The following NRG1 variants were observed in gnomAD, a reference collection of about 807,000 sequenced individuals.
NRG1 encodes the protein neuregulin 1.
In NRG1, 18 loss-of-function variants were observed where a neutral mutation model predicts 63.8. The observed-to-expected ratio is 0.28, with a 90% CI of 0.19 to 0.42. The LOEUF is 0.42. Ranked by LOEUF, NRG1 falls within the 10% of genes least tolerant of loss-of-function variation. The probability of loss-of-function intolerance (pLI) is 1.00; values close to 1 mark genes in which losing one functional copy is unlikely to be tolerated. For synonymous variants in NRG1, 302 were observed against 301.3 expected, an observed-to-expected ratio of 1.00 and a Z score of -0.02; for missense variants, 762 against 814.7, an observed-to-expected ratio of 0.94 and a Z score of 0.79.
intron 1 of NRG1, among the ~76,000 whole-genome samples, chr8:32,085,195 CT>C (rs2131198951): frequency 6.6e-6 from 1 of 152,318 alleles, no homozygotes; most frequent in South Asian, 2.1e-4. Flanking sequence ...CCATAGGATT[CT>C]TTTAACTCTT....
intron 1 of NRG1, among the ~76,000 whole-genome samples, chr8:32,039,633 A>G (rs1217472489): frequency 6.6e-6 from 1 of 152,194 alleles, no homozygotes; most frequent in East Asian, 1.9e-4. Flanking sequence ...ACAAACTTTT[A>G]AGAAAGTAAT....
intron 1 of NRG1, among the ~76,000 whole-genome samples, chr8:31,998,252 G>C (rs1249634205): frequency 6.6e-6 from 1 of 151,968 alleles, no homozygotes; most frequent in African/African-American, 2.4e-5. Context: ...TATAAGTCTT[G>C]AGACAAACAC....
chr8:32,647,290 T>G, intron 5 of NRG1: 1 of 985,438 alleles, frequency 1.0e-6, no homozygotes, highest in Non-Finnish European at 1.2e-6. Flanking sequence ...CTGCTTTTAC[T>G]TCTCCTGCAT....
In NRG1 at chr8:32,722,137, G is replaced by A. The variant is rs1228948572; in HGVS notation, c.503-5812G>A. 4 of 1,059,246 alleles carry A rather than the reference G, an allele frequency of 3.8e-6. No homozygotes were observed. The African/African-American group carries it at 4.9e-5, about 13-fold the overall frequency. 65.6% of individuals were successfully genotyped at this position (1,059,246 alleles called of 1,614,324 possible). A position where few individuals can be genotyped will look rare whatever the true frequency, so the allele number is the denominator to read the frequency against. On this transcript the variant is annotated intron_variant, in intron 5 of 11. Coordinates refer to ENST00000356819, the Ensembl canonical transcript of NRG1. ...TATTTTATTAAGCAAATGGCGTAGA[G>A]TTATTTGGTTTAATTTTCTGTAAGT...
chr8:31,952,185 A>G (rs777400263), intron 1 of NRG1, among the ~76,000 whole-genome samples: 12 of 152,306 alleles, frequency 7.9e-5, no homozygotes, highest in Admixed American at 2.0e-4. Flanking sequence ...TTCAACTCTA[A>G]TTTATTCAGC....
At chr8:32,375,904 T>C (rs17634378) in intron 1 of NRG1, among the ~76,000 whole-genome samples, 10,444 of 152,210 alleles carry the variant, frequency 0.069, 399 homozygotes, top group Middle Eastern at 0.1. Flanking sequence ...AAAGACAAGG[T>C]TTGACTTACT....
At chr8:32,242,081 G>A (rs1010763027) in intron 1 of NRG1, among the ~76,000 whole-genome samples, 9 of 152,064 alleles carry the variant, frequency 5.9e-5, no homozygotes, top group African/African-American at 2.2e-4. Flanking sequence ...TGCTACTTAC[G>A]AGAAGTCTTA....
At chr8:32,186,571 C>T (rs1841995179) in intron 1 of NRG1, among the ~76,000 whole-genome samples, 1 of 152,128 alleles carries the variant, frequency 6.6e-6, no homozygotes, top group Admixed American at 6.5e-5. Flanking sequence ...AGCCCCTTCT[C>T]TGCTGCTGGT....
At chr8:32,677,033 G>T (rs2128907824) in intron 5 of NRG1, among the ~76,000 whole-genome samples, 1 of 152,180 alleles carries the variant, frequency 6.6e-6, no homozygotes, top group East Asian at 1.9e-4. Context: ...ACAGTGTTTT[G>T]CATGTGCTAG....
At chr8:32,697,406 A>G (rs982125619) in intron 5 of NRG1, among the ~76,000 whole-genome samples, 3 of 152,230 alleles carry the variant, frequency 2.0e-5, no homozygotes, top group Admixed American at 2.0e-4. Flanking sequence ...TTTAGCTTGA[A>G]CAAATTAGAG....
chr8:32,569,157 C>A (rs56349922), intron 1 of NRG1, among the ~76,000 whole-genome samples: 4,937 of 152,212 alleles, frequency 0.032, 105 homozygotes, highest in Middle Eastern at 0.062. Flanking sequence ...TCAAGCAATT[C>A]TCCTGCCTCA....
At chr8:31,835,627 C>T (rs1321800971) in intron 1 of NRG1, among the ~76,000 whole-genome samples, 1 of 152,158 alleles carries the variant, frequency 6.6e-6, no homozygotes, top group Non-Finnish European at 1.5e-5. Flanking sequence ...CTTTCACAAA[C>T]CCCTTAGGCT....
chr8:32,306,629 A>G (rs1486117465), intron 1 of NRG1, among the ~76,000 whole-genome samples: 3 of 152,180 alleles, frequency 2.0e-5, no homozygotes, highest in South Asian at 2.1e-4. Context: ...CTCTCCATTT[A>G]ATTATGAATC....
intron 1 of NRG1, among the ~76,000 whole-genome samples, chr8:32,523,474 C>T (rs551863430): frequency 1.1e-4 from 17 of 152,220 alleles, no homozygotes; most frequent in African/African-American, 4.1e-4. Flanking sequence ...TTTAAAAAGT[C>T]TTAACTTCTT....
rs1428823933 is a variant in NRG1, at chr8:32,366,671, G to A, written c.38-229157G>A. On this transcript the variant is annotated intron_variant, in intron 1 of 10. Coordinates refer to the NRG1 transcript ENST00000519301. ...ATATATATTGTGTGTGTGTGTGTGT[G>A]TGTGTGTATATATATATATATATAT... Among the ~76,000 whole-genome samples, 12 of 86,520 alleles carry A rather than the reference G, an allele frequency of 1.4e-4. No individual in the cohort carries two copies. In the South Asian group the frequency reaches 1.9e-3, roughly 14 times the overall value. The allele number at this position is 86,520 out of a possible 152,430, so 56.8% of individuals were successfully genotyped here.
At chr8:32,153,161 C>CAGAGGTAT (rs1463419705) in intron 1 of NRG1, among the ~76,000 whole-genome samples, 2 of 152,040 alleles carry the variant, frequency 1.3e-5, no homozygotes, top group Non-Finnish European at 2.9e-5. Context: ...CAAAGTGGGT[C>CAGAGGTAT]AGAGGTAGAG....
At chr8:31,978,121 T>C (rs1356150610) in intron 1 of NRG1, among the ~76,000 whole-genome samples, 1 of 152,118 alleles carries the variant, frequency 6.6e-6, no homozygotes, top group Non-Finnish European at 1.5e-5. Context: ...TATGTATTCA[T>C]ATTCAGTTTG....
intron 1 of NRG1, among the ~76,000 whole-genome samples, chr8:32,085,414 T>C (rs1342604394): frequency 6.6e-6 from 1 of 152,220 alleles, no homozygotes. Context: ...TTTTGCTGCA[T>C]TTGTTTTGTA....
At chr8:32,238,870 C>T (rs1202798267) in intron 1 of NRG1, among the ~76,000 whole-genome samples, 1 of 152,074 alleles carries the variant, frequency 6.6e-6, no homozygotes, top group Non-Finnish European at 1.5e-5. Context: ...AAACAGTGAC[C>T]AGGCTGAGGA....
Sources: allele counts gnomAD v4.1 joint callset (sites outside exome capture counted in the v4.1 genomes callset), GRCh38; gene constraint gnomAD v4.1.1; transcripts MANE v1.5; gene names NCBI Gene and HGNC (gene_info 2026-07-23, HGNC 2026-07-21).